Variants in LHFPL5 observed in about 807,000 individuals in gnomAD.
LHFPL5 encodes LHFPL tetraspan subfamily member 5 protein.
Under a neutral mutation model 18.7 loss-of-function variants are expected in LHFPL5, and 12 were observed. That is an observed-to-expected ratio of 0.64 (90% CI 0.41 to 1.04). The LOEUF (loss-of-function observed/expected upper bound fraction) is 1.04. LHFPL5 is among the 50% of genes least tolerant of loss of function. LHFPL5 has a pLI of 0.00. For missense variants in LHFPL5, 259 were observed against 292.1 expected, an observed-to-expected ratio of 0.89 and a Z score of 0.83; for synonymous variants, 111 against 120.2, an observed-to-expected ratio of 0.92 and a Z score of 0.50.
chr6:35,818,333 ATATATATATATATATG>A (rs1211462354), intron 2 of LHFPL5, among the ~76,000 whole-genome samples: 26 of 5,784 alleles, frequency 4.5e-3, no homozygotes, highest in Admixed American at 5.8e-3. Flanking sequence ...ATATATATAT[ATATATATATATATATG>A]TATTTTTTTT....
At chr6:35,810,657 A>G (rs946092180) in intron 1 of LHFPL5, among the ~76,000 whole-genome samples, 3 of 151,978 alleles carry the variant, frequency 2.0e-5, no homozygotes, top group Non-Finnish European at 2.9e-5. Flanking sequence ...AAAAAATACA[A>G]AAAAATACAA....
intron 3 of LHFPL5, among the ~76,000 whole-genome samples, chr6:35,821,486 T>TGTGTGC (rs1768866954): frequency 6.6e-6 from 1 of 151,066 alleles, no homozygotes; most frequent in African/African-American, 2.4e-5. Context: ...TGTGTGTGTG[T>TGTGTGC]GTGTGTGTTC....
intron 1 of LHFPL5, among the ~76,000 whole-genome samples, chr6:35,813,109 G>T (rs761958954): frequency 2.6e-5 from 4 of 152,116 alleles, no homozygotes; most frequent in African/African-American, 4.8e-5. Flanking sequence ...TAGCTAGGTA[G>T]CAGAGAACTG....
intron 3 of LHFPL5, among the ~76,000 whole-genome samples, chr6:35,821,046 G>C (rs1325495570): frequency 6.6e-6 from 1 of 152,204 alleles, no homozygotes; most frequent in Non-Finnish European, 1.5e-5. Flanking sequence ...GCTCATGCCT[G>C]TAATCCCAGC....
chr6:35,805,544 A>AC lies in LHFPL5; in HGVS notation c.-125dup. 7.7e-6 allele frequency: 7 copies of AC among 908,924 alleles called. No individual in the cohort carries two copies. Among genetic ancestry groups the AC allele is most frequent in the Non-Finnish European group, 1.0e-5 (6 of 571,682 alleles). 56.3% of individuals were successfully genotyped at this position (908,924 alleles called of 1,614,324 possible). ...CTTCCCCTTGCCTTGAAGGGACCTCACCTGGTGCCCTGACCTCAGCCTCCT... is the reference window on the plus strand; with the variant it reads ...CTTCCCCTTGCCTTGAAGGGACCTCACCCTGGTGCCCTGACCTCAGCCTCCT... On this transcript the variant is annotated 5_prime_UTR_variant, in exon 1 of 4. Transcript: ENST00000360215. The surrounding 1 kb of genome is among the most constrained non-coding windows in gnomAD (Gnocchi z 4.3).
chr6:35,820,009 C>G (rs1323047079), intron 3 of LHFPL5, among the ~76,000 whole-genome samples: 3 of 151,986 alleles, frequency 2.0e-5, no homozygotes, highest in African/African-American at 7.2e-5. Context: ...GGAAAAAGAT[C>G]AGGGAAAGAA....
At chr6:35,806,921 C>T (rs1446232183) in intron 1 of LHFPL5, among the ~76,000 whole-genome samples, 2 of 152,098 alleles carry the variant, frequency 1.3e-5, no homozygotes, top group Non-Finnish European at 2.9e-5. Flanking sequence ...CCTCCTTGGA[C>T]TTAGGTGATC....
Position 35,814,710 on chromosome 6 carries a change from T to C in LHFPL5, c.577T>C (p.Ser193Pro), listed in dbSNP as rs888847706. ...CAGCATTGGCGACGCCCTCATCCTCTCCTTCCTGGCCTTCGTGTTGGGCTA... is the reference window on the plus strand; with the variant it reads ...CAGCATTGGCGACGCCCTCATCCTCCCCTTCCTGGCCTTCGTGTTGGGCTA... ...ILSIGDALIL[S>P]FLAFVLGYRQ... is the part of the protein sequence containing the mutation. The change falls in exon 2 of 4, where the codon TCC (serine) becomes CCC (proline). Residue 193 changes from serine to proline, a missense_variant. Transcript: ENST00000360215. The surrounding 1 kb of genome is among the most constrained non-coding windows in gnomAD (Gnocchi z 4.2). The C allele has an allele frequency of 2.5e-6, 4 of 1,614,164 alleles. No homozygotes were observed. The highest frequency in any genetic ancestry group is 2.5e-6 in the Non-Finnish European group (3 of 1,180,028).
At position 35,806,064 on chromosome 6, in the gene LHFPL5, T is replaced by C; in HGVS notation, c.394T>C (p.Trp132Arg). 1.2e-6 allele frequency: 2 copies of C among 1,614,094 alleles called. No individual in the cohort carries two copies. Among genetic ancestry groups the C allele is most frequent in the Non-Finnish European group, 1.7e-6 (2 of 1,180,024 alleles). ...NTATVYKICA[W>R]MQLAAATGLM... ...GGCCACAGTCTATAAGATCTGTGCA[T>C]GGATGCAGCTGGCTGCGGGTAAGCA... The change falls in exon 1 of 4, where the codon TGG (tryptophan) becomes CGG (arginine). Residue 132 changes from tryptophan to arginine, a missense_variant. Trp to Arg is a moderately radical substitution (Grantham distance 101, BLOSUM62 -3). Coordinates refer to ENST00000360215, the MANE Select transcript of LHFPL5 (RefSeq NM_182548.4).
At chr6:35,817,135 C>T (rs979609796) in intron 2 of LHFPL5, among the ~76,000 whole-genome samples, 4 of 152,066 alleles carry the variant, frequency 2.6e-5, no homozygotes, top group African/African-American at 9.7e-5. Context: ...TCCTGGCTAA[C>T]ATAGTGAAAC....
chr6:35,817,044 G>T (rs1399786164), intron 2 of LHFPL5, among the ~76,000 whole-genome samples: 1 of 152,066 alleles, frequency 6.6e-6, no homozygotes, highest in African/African-American at 2.4e-5. Context: ...CTTAAAAGAG[G>T]CCAGATGCGG....
At chr6:35,818,336 TATA>T (rs1768799402) in intron 2 of LHFPL5, among the ~76,000 whole-genome samples, 1 of 11,740 alleles carries the variant, frequency 8.5e-5, no homozygotes, top group Non-Finnish European at 3.4e-4. Context: ...TATATATATA[TATA>T]TATATATATG....
chr6:35,808,793 G>C (rs73731226), intron 1 of LHFPL5, among the ~76,000 whole-genome samples: 8,159 of 151,666 alleles, frequency 0.054, 263 homozygotes, highest in South Asian at 0.14. Context: ...TGCCATGTGT[G>C]AGCAGGCAGT....
At chr6:35,806,137 A>T in intron 1 of LHFPL5, 55 bp downstream of exon 1, 2 of 1,587,328 alleles carry the variant, frequency 1.3e-6, no homozygotes, top group African/African-American at 2.7e-5. Flanking sequence ...CCACAGCTGC[A>T]GCTGCACCAT....
At chr6:35,816,177 C>CAAAAA (rs60374883) in intron 2 of LHFPL5, among the ~76,000 whole-genome samples, 5 of 60,576 alleles carry the variant, frequency 8.3e-5, no homozygotes, top group African/African-American at 1.2e-4. Flanking sequence ...GACTCCGTCT[C>CAAAAA]AAAAAAAAAA....
chr6:35,810,239 C>T (rs1768640852), intron 1 of LHFPL5, among the ~76,000 whole-genome samples: 1 of 152,158 alleles, frequency 6.6e-6, no homozygotes, highest in Admixed American at 6.5e-5. Context: ...GGCCCCACCT[C>T]CTAACACCAT....
chr6:35,818,320 C>CATATAT (rs112710434), intron 2 of LHFPL5, among the ~76,000 whole-genome samples: 23 of 120,238 alleles, frequency 1.9e-4, no homozygotes, highest in African/African-American at 7.1e-4. Flanking sequence ...TACTAAAAGC[C>CATATAT]ATATATATAT....
Position 35,823,384 on chromosome 6 carries a change from TATATAC to T in LHFPL5, c.*421_*426del, listed in dbSNP as rs1200388804. On this transcript the variant is annotated 3_prime_UTR_variant, in exon 4 of 4. Coordinates refer to ENST00000360215, the MANE Select transcript of LHFPL5 (RefSeq NM_182548.4). ...GTCTGATAGCATACACACACACATATATATACACACACACACACACACACACACACA... is the reference window on the plus strand; with the variant it reads ...GTCTGATAGCATACACACACACATATACACACACACACACACACACACACA... The T allele has an allele frequency of 3.9e-3, 201 of 51,024 alleles. 2 individuals are homozygous for T. The highest frequency in any genetic ancestry group is 0.017 in the African/African-American group (193 of 11,594). 3.2% of individuals were successfully genotyped at this position (51,024 alleles called of 1,614,324 possible).
intron 3 of LHFPL5, among the ~76,000 whole-genome samples, chr6:35,822,363 GT>G (rs764590356): frequency 1.3e-5 from 2 of 152,000 alleles, no homozygotes; most frequent in Non-Finnish European, 2.9e-5. Flanking sequence ...AAAGACCTAA[GT>G]TTTTACTTGA....
Sources: allele counts gnomAD v4.1 joint callset (sites outside exome capture counted in the v4.1 genomes callset), GRCh38; gene constraint gnomAD v4.1.1; non-coding constraint Gnocchi (gnomAD v3.1); transcripts MANE v1.5; gene names NCBI Gene and HGNC (gene_info 2026-07-23, HGNC 2026-07-21).